The following DCK variants were observed in gnomAD, a reference collection of about 807,000 sequenced individuals.
DCK encodes the protein deoxyadenosine kinase.
DCK carries 23 observed loss-of-function variants against 38.3 expected under a neutral mutation model. The observed-to-expected ratio is 0.60, with a 90% confidence interval of 0.43 to 0.85. The LOEUF (loss-of-function observed/expected upper bound fraction) is 0.85, where lower values mean the gene tolerates loss of function less well. Among genes scored for constraint, DCK ranks in the 40% least tolerant of loss-of-function variants. The probability of loss-of-function intolerance (pLI) is 0.00; values close to 1 mark genes in which losing one functional copy is unlikely to be tolerated. For synonymous variants in DCK, 108 were observed against 100.6 expected (o/e 1.07, Z -0.44); for missense variants, 259 against 304.4 (o/e 0.85, Z 1.11).
chr4:71,009,884 C>T (rs533511572), intron 2 of DCK, among the ~76,000 whole-genome samples: 9 of 152,290 alleles, frequency 5.9e-5, no homozygotes, highest in African/African-American at 2.2e-4. Context: ...TTTATTTCTT[C>T]ATCCAGTAGT....
chr4:71,021,534 G>A (rs1740424987), intron 2 of DCK, among the ~76,000 whole-genome samples: 1 of 152,174 alleles, frequency 6.6e-6, no homozygotes, highest in Admixed American at 6.5e-5. Flanking sequence ...GAAGATTGGA[G>A]GGTTACAAAT....
chr4:71,001,582 T>A (rs1360900221), intron 2 of DCK, among the ~76,000 whole-genome samples: 1 of 152,206 alleles, frequency 6.6e-6, no homozygotes, highest in Non-Finnish European at 1.5e-5. Context: ...TCTTTCTACC[T>A]GTGGTAGAAT....
At chr4:71,009,416 A>G (rs1041155033) in intron 2 of DCK, among the ~76,000 whole-genome samples, 2 of 152,220 alleles carry the variant, frequency 1.3e-5, no homozygotes, top group South Asian at 4.1e-4. Context: ...TAGTTAAATC[A>G]TGTTAATCAG....
intron 4 of DCK, 87 bp downstream of exon 4, chr4:71,023,793 T>C: frequency 7.9e-7 from 1 of 1,271,796 alleles, no homozygotes. Flanking sequence ...GGCAATTTAG[T>C]TTAACTCCAG....
chr4:70,998,074 G>A lies in DCK; in HGVS notation c.99G>A (p.Gly33=), dbSNP rs1739700298. The change falls in exon 2 of 7, where the codon GGG becomes GGA. Residue 33 remains glycine (G), a synonymous_variant. Transcript: ENST00000286648. The part of the protein sequence containing the change: ...KISIEGNIAA[G]KSTFVNILKQ... ...TATCTTTCCTCACAACAGCTGCAGG[G>A]AAGTCAACATTTGTGAATATCCTTA... 2 of 1,559,256 alleles carry A rather than the reference G, an allele frequency of 1.3e-6. No individual in the cohort carries two copies. Among genetic ancestry groups the A allele is most frequent in the Admixed American group, 1.8e-5 (1 of 56,122 alleles).
rs1740655363 is a variant in DCK at position 71,030,315 on chromosome 4, T to A, written c.*937T>A. ...TAAATATATTTTCTTTCTAGTTTGT[T>A]TAGTTAAGGTGTGCAGTGTTTTTCC... On this transcript the variant is annotated 3_prime_UTR_variant, in exon 7 of 7. Transcript: ENST00000286648. 1.3e-5 allele frequency: 2 copies of A among 152,200 alleles called. No homozygotes were observed. 9.4% of individuals were successfully genotyped at this position (152,200 alleles called of 1,614,324 possible). A position where few individuals can be genotyped will look rare whatever the true frequency, so the allele number is the denominator to read the frequency against.
At chr4:71,010,560 T>TA in intron 2 of DCK, among the ~76,000 whole-genome samples, 1 of 148,968 alleles carries the variant, frequency 6.7e-6, no homozygotes, top group Non-Finnish European at 1.5e-5. Context: ...TACTTTTAAT[T>TA]AAAAAAATTA....
At chr4:71,028,815 T>C (rs1740609059) in intron 6 of DCK, 1 of 306,422 alleles carries the variant, frequency 3.3e-6, no homozygotes, top group Non-Finnish European at 6.3e-6. Context: ...TGGAGTGCGA[T>C]GGCGCGATCT....
At chr4:70,995,784 C>T (rs1246057696) in intron 1 of DCK, among the ~76,000 whole-genome samples, 1 of 152,088 alleles carries the variant, frequency 6.6e-6, no homozygotes, top group African/African-American at 2.4e-5. Context: ...ACTTCTGCAA[C>T]GGTCTTTTTG....
chr4:70,998,235 AG>A, intron 2 of DCK, 53 bp downstream of exon 2: 1 of 821,200 alleles, frequency 1.2e-6, no homozygotes, highest in Non-Finnish European at 2.0e-6. Flanking sequence ...GAGGAGCAGT[AG>A]TACTTAATCT....
At chr4:71,022,630 T>A (rs1032397265) in intron 3 of DCK, 70 bp downstream of exon 3, 5 of 864,228 alleles carry the variant, frequency 5.8e-6, no homozygotes, top group African/African-American at 1.7e-5. Flanking sequence ...TTTTTTTTTT[T>A]AATGTTTCCT....
rs1460901795 is a variant in DCK at position 70,994,966 on chromosome 4, AGCTCCAGGTTGGGTGCTGGTCATTCAT to A, written c.91+1043_91+1069del. Among the ~76,000 whole-genome samples the A allele has an allele frequency of 2.0e-5, 3 of 152,202 alleles. No homozygotes were observed. In the East Asian group the frequency reaches 5.8e-4, roughly 29 times the overall value. ...GATAGATTTAAAAAAAAATTTTTTTAGCTCCAGGTTGGGTGCTGGTCATTCATGCATACAGCAAATTTTTTAAAATTC... is the reference window on the plus strand; with the variant it reads ...GATAGATTTAAAAAAAAATTTTTTTAGCATACAGCAAATTTTTTAAAATTC... On this transcript the variant is annotated intron_variant, in intron 1 of 6. Transcript: ENST00000286648.
chr4:70,997,008 G>A (rs1739673438), intron 1 of DCK, among the ~76,000 whole-genome samples: 1 of 152,186 alleles, frequency 6.6e-6, no homozygotes, highest in African/African-American at 2.4e-5. Flanking sequence ...GGAACTAGAT[G>A]TGTTAGTGTG....
intron 2 of DCK, among the ~76,000 whole-genome samples, chr4:71,016,548 A>G (rs1277841738): frequency 6.6e-6 from 1 of 152,224 alleles, no homozygotes; most frequent in African/African-American, 2.4e-5. Flanking sequence ...ACAAGGCTAC[A>G]GTAACCAAAA....
At position 71,025,823 on chromosome 4, in the gene DCK, T is replaced by C; in HGVS notation, c.557T>C (p.Leu186Ser). 6.2e-7 allele frequency: 1 copy of C among 1,607,206 alleles called. No individual in the cohort carries two copies. The highest frequency in any genetic ancestry group is 8.5e-7 in the Non-Finnish European group (1 of 1,177,456). ...IYLQATPETC[L>S]HRIYLRGRNE... ...CTTATTACTTGCTTTTAGACATGCT[T>C]ACATAGAATATATTTACGGGGAAGA... is the stretch of plus-strand genomic sequence containing the variant. Residue 186 changes from leucine to serine, a missense_variant, in exon 5 of 7, where the codon TTA (leucine) becomes TCA (serine). Physicochemically the swap from Leu to Ser is moderately radical, Grantham distance 145. Transcript: ENST00000286648.
At position 71,025,847 on chromosome 4, in the gene DCK, G is replaced by A; in HGVS notation, c.581G>A (p.Arg194Lys). ...TTACATAGAATATATTTACGGGGAA[G>A]AAATGAAGAGCAAGGCATTCCTCTT... ...TCLHRIYLRG[R>K]NEEQGIPLEY... is the part of the protein sequence containing the mutation. Residue 194 changes from arginine to lysine, a missense_variant, in exon 5 of 7, where the codon AGA becomes AAA. Coordinates refer to ENST00000286648, the MANE Select transcript of DCK (RefSeq NM_000788.3). The A allele has an allele frequency of 6.2e-7, 1 of 1,610,530 alleles. No homozygotes were observed. Among genetic ancestry groups the A allele is most frequent in the Non-Finnish European group, 8.5e-7 (1 of 1,178,364 alleles).
At chr4:71,007,625 C>T (rs543674306) in intron 2 of DCK, among the ~76,000 whole-genome samples, 3 of 152,262 alleles carry the variant, frequency 2.0e-5, no homozygotes, top group African/African-American at 4.8e-5. Context: ...TTTTTCCTCT[C>T]GCTTCTTTTA....
chr4:71,026,789 T>A (rs972568532), intron 6 of DCK, 34 bp downstream of exon 6: 4 of 1,151,452 alleles, frequency 3.5e-6, no homozygotes, highest in African/African-American at 1.6e-5. Flanking sequence ...AAATATTTGT[T>A]TTTTCTAAAA....
At chr4:71,016,624 A>T (rs1740269436) in intron 2 of DCK, among the ~76,000 whole-genome samples, 1 of 152,242 alleles carries the variant, frequency 6.6e-6, no homozygotes, top group African/African-American at 2.4e-5. Flanking sequence ...CTCAGAAATA[A>T]TACCACACAT....
Sources: allele counts gnomAD v4.1 joint callset (sites outside exome capture counted in the v4.1 genomes callset), GRCh38; gene constraint gnomAD v4.1.1; transcripts MANE v1.5; gene names NCBI Gene and HGNC (gene_info 2026-07-23, HGNC 2026-07-21).